Variants in RBCK1 observed in about 807,000 individuals in gnomAD.
RBCK1 encodes RANBP2-type and C3HC4-type zinc finger containing 1, also known as ranBP-type and C3HC4-type zinc finger-containing protein 1.
In RBCK1, 44 loss-of-function variants were observed where a neutral mutation model predicts 71.1. The observed-to-expected ratio is 0.62, with a 90% confidence interval of 0.49 to 0.80. The LOEUF (loss-of-function observed/expected upper bound fraction) is 0.80, where lower values mean the gene tolerates loss of function less well. Among genes scored for constraint, RBCK1 ranks in the 30% least tolerant of loss-of-function variants. The probability of loss-of-function intolerance (pLI) is 0.00; values close to 1 mark genes in which losing one functional copy is unlikely to be tolerated. For missense variants in RBCK1, 569 were observed against 685.0 expected (o/e 0.83, Z 1.89); for synonymous variants, 306 against 279.7 (o/e 1.09, Z -0.94).
rs1383938756 is a variant in RBCK1, at chr20:430,299, G to A, written c.1453-51G>A. 1 of 1,494,522 alleles carries A rather than the reference G, an allele frequency of 6.7e-7. No individual in the cohort carries two copies. The highest frequency in any genetic ancestry group is 9.3e-7 in the Non-Finnish European group (1 of 1,073,620). 92.6% of individuals were successfully genotyped at this position (1,494,522 alleles called of 1,614,324 possible). Reference sequence around the variant, plus strand: ...GGGTGGGAGAGCGCTCGGCTGTGGGGGCAGTCTCTGCACTGCGCTGACATT... The same window carrying A: ...GGGTGGGAGAGCGCTCGGCTGTGGGAGCAGTCTCTGCACTGCGCTGACATT... On this transcript the variant is annotated intron_variant, in intron 11 of 11. Coordinates refer to ENST00000356286, the MANE Select transcript of RBCK1 (RefSeq NM_031229.4). This position sits in a 1 kb window ranked among gnomAD's most constrained non-coding sequence, Gnocchi z 5.6.
chr20:418,230 T>C (rs1231078698), intron 4 of RBCK1, among the ~76,000 whole-genome samples: 2 of 152,268 alleles, frequency 1.3e-5, no homozygotes, highest in Non-Finnish European at 2.9e-5. Context: ...AAATTGGGTA[T>C]GACAGTGATC....
rs557194363 is a variant in RBCK1, at chr20:408,918, C to T, written c.22+139C>T. ...CTCTACCCTCCTCCCCATCAGTTTC[C>T]TCCTTTGGTACCTGCTGGCTTCCAG... On this transcript the variant is annotated intron_variant, in intron 1 of 11. Transcript: ENST00000356286. The T allele has an allele frequency of 6.8e-5, 73 of 1,073,632 alleles. No individual in the cohort carries two copies. In the African/African-American group the frequency reaches 9.5e-4, roughly 14 times the overall value. 66.5% of individuals were successfully genotyped at this position (1,073,632 alleles called of 1,614,324 possible).
At chr20:411,258 C>T (rs2015688872) in intron 2 of RBCK1, among the ~76,000 whole-genome samples, 1 of 152,024 alleles carries the variant, frequency 6.6e-6, no homozygotes, top group South Asian at 2.1e-4. Flanking sequence ...GGTTGAAGTG[C>T]AGTGGTGCCA....
At chr20:426,346 C>T (rs1403241922) in intron 8 of RBCK1, among the ~76,000 whole-genome samples, 3 of 152,200 alleles carry the variant, frequency 2.0e-5, no homozygotes, top group South Asian at 2.1e-4. Flanking sequence ...TCCCCTGCCA[C>T]GCCTCACTAC....
intron 1 of RBCK1, among the ~76,000 whole-genome samples, chr20:409,582 G>A (rs888915063): frequency 4.6e-5 from 7 of 152,118 alleles, no homozygotes; most frequent in Non-Finnish European, 1.0e-4. Context: ...GGGACAGTGG[G>A]TGGCACACAG....
At chr20:425,015 T>A (rs1291354499) in intron 8 of RBCK1, among the ~76,000 whole-genome samples, 1 of 152,158 alleles carries the variant, frequency 6.6e-6, no homozygotes, top group East Asian at 1.9e-4. Flanking sequence ...AAATTTTTTT[T>A]TTTTTTCCTT....
rs1298979370 is a variant in RBCK1, at chr20:428,112, GC to G, written c.1210-378del. 6.6e-6 allele frequency among the ~76,000 whole-genome samples: 1 copy of G among 152,196 alleles called. No individual in the cohort carries two copies. The highest frequency in any genetic ancestry group is 2.4e-5 in the African/African-American group (1 of 41,442). On this transcript the variant is annotated intron_variant, in intron 9 of 11. Coordinates refer to ENST00000356286, the MANE Select transcript of RBCK1 (RefSeq NM_031229.4). This position sits in a 1 kb window ranked among gnomAD's most constrained non-coding sequence, Gnocchi z 5.7. ...CTGGTCTCAGACTCAGCCTGAGCAA[GC>G]TCAGTCTGGGGTCATTGGGCCTGTA... is the stretch of plus-strand genomic sequence containing the variant.
At position 429,572 on chromosome 20, in the gene RBCK1, C is replaced by CTAT. The variant is rs541510223; in HGVS notation, c.1452+480_1452+482dup. ...TGGTTGAAAAAATACCAGAAGATGA[C>CTAT]TATTTTGTGACGTGAAAATTACATG... On this transcript the variant is annotated intron_variant, in intron 11 of 11. Transcript: ENST00000356286. Among the ~76,000 whole-genome samples the CTAT allele has an allele frequency of 2.8e-3, 420 of 152,346 alleles. 2 individuals are homozygous for CTAT. The highest frequency in any genetic ancestry group is 9.3e-3 in the African/African-American group (386 of 41,580).
In RBCK1 at chr20:417,764, G is replaced by T; in HGVS notation, c.294G>T (p.Leu98Phe). 6.2e-7 allele frequency: 1 copy of T among 1,614,000 alleles called. No individual in the cohort carries two copies. Among genetic ancestry groups the T allele is most frequent in the Non-Finnish European group, 8.5e-7 (1 of 1,179,922 alleles). The change falls in exon 4 of 12, where the codon TTG (leucine) becomes TTT (phenylalanine). Residue 98 changes from leucine to phenylalanine, a missense_variant. Around this residue, in one of 2 missense-constraint regions of RBCK1, gnomAD observed 358 missense variants for 375.6 expected, o/e 0.95. Transcript: ENST00000356286. The surrounding 1 kb of genome is among the most constrained non-coding windows in gnomAD (Gnocchi z 4.7). ...VFLDYGFPPVLQQWVIGQRLA... is the reference protein window; with the variant it reads ...VFLDYGFPPVFQQWVIGQRLA... Reference sequence around the variant, plus strand: ...TGGACTATGGCTTCCCACCAGTCTTGCAGCAGTGGGTGATTGGGCAGCGGC... The same window carrying T: ...TGGACTATGGCTTCCCACCAGTCTTTCAGCAGTGGGTGATTGGGCAGCGGC...
intron 6 of RBCK1, 27 bp from the exon 7 acceptor site, chr20:420,844 C>T: frequency 1.3e-6 from 2 of 1,538,916 alleles, no homozygotes; most frequent in Non-Finnish European, 1.7e-6. Context: ...CCCTGACCCG[C>T]CCCGTGGCCC....
chr20:409,712 C>A, intron 1 of RBCK1, 169 bp from the exon 2 acceptor site: 1 of 1,006,970 alleles, frequency 9.9e-7, no homozygotes, highest in South Asian at 1.8e-5. Flanking sequence ...TTAGAGAACC[C>A]CTCCCGGAGA....
Position 419,895 on chromosome 20 carries a change from C to G in RBCK1, c.756+164C>G, listed in dbSNP as rs955919498. On this transcript the variant is annotated intron_variant, in intron 6 of 11. Coordinates refer to ENST00000356286, the MANE Select transcript of RBCK1 (RefSeq NM_031229.4). ...CACCTGGCTGTGACCCTGCACCTGG[C>G]TGTGACCTGCCCTCTCTCAAAGGTC... is the stretch of plus-strand genomic sequence containing the variant. 41 of 1,423,020 alleles carry G rather than the reference C, an allele frequency of 2.9e-5. No individual in the cohort carries two copies. In the African/African-American group the frequency reaches 5.5e-4, roughly 19 times the overall value. 88.1% of individuals were successfully genotyped at this position (1,423,020 alleles called of 1,614,324 possible). A position where few individuals can be genotyped will look rare whatever the true frequency, so the allele number is the denominator to read the frequency against.
At chr20:420,262 C>G in intron 6 of RBCK1, 1 of 985,042 alleles carries the variant, frequency 1.0e-6, no homozygotes, top group Non-Finnish European at 1.2e-6. Context: ...GACCCCCGAC[C>G]CCGGTCCTAC....
chr20:423,071 G>A (rs761352463), intron 8 of RBCK1, among the ~76,000 whole-genome samples: 13 of 152,206 alleles, frequency 8.5e-5, no homozygotes, highest in Admixed American at 3.9e-4. Context: ...AGGCCAAGGC[G>A]GGTGGATCAC....
chr20:426,405 T>C (rs150326754), intron 8 of RBCK1, among the ~76,000 whole-genome samples: 3 of 152,290 alleles, frequency 2.0e-5, no homozygotes, highest in Admixed American at 6.5e-5. Flanking sequence ...CCTCATTAGT[T>C]CAGTTGTTTC....
At position 430,602 on chromosome 20, in the gene RBCK1, G is replaced by A. The variant is rs2016970433; in HGVS notation, c.*172G>A. On this transcript the variant is annotated 3_prime_UTR_variant, in exon 12 of 12. Coordinates refer to ENST00000356286, the MANE Select transcript of RBCK1 (RefSeq NM_031229.4). The surrounding 1 kb of genome is among the most constrained non-coding windows in gnomAD (Gnocchi z 5.6). ...CCAGTGCCTTTGTCCTTCCCTTGGG[G>A]CTTGCCGGCCAGACTTCTCTCCCCT... 3.0e-6 allele frequency: 2 copies of A among 663,454 alleles called. No individual in the cohort carries two copies. The highest frequency in any genetic ancestry group is 3.6e-5 in the African/African-American group (2 of 55,602). The allele number at this position is 663,454 out of a possible 1,614,324, so 41.1% of individuals were successfully genotyped here.
Position 428,776 on chromosome 20 carries a change from G to A in RBCK1, c.1309-175G>A, listed in dbSNP as rs940441593. On this transcript the variant is annotated intron_variant, in intron 10 of 11. Transcript: ENST00000356286. The surrounding 1 kb of genome is among the most constrained non-coding windows in gnomAD (Gnocchi z 5.7). Reference sequence around the variant, plus strand: ...ATGTCAGGAAGAGCGTCTGGGTGGAGGGTGGAGACCACAGGAATGAAGAGG... The same window carrying A: ...ATGTCAGGAAGAGCGTCTGGGTGGAAGGTGGAGACCACAGGAATGAAGAGG... 2.8e-6 allele frequency: 4 copies of A among 1,422,692 alleles called. No individual in the cohort carries two copies. The highest frequency in any genetic ancestry group is 9.2e-7 in the Non-Finnish European group (1 of 1,084,580). 88.1% of individuals were successfully genotyped at this position (1,422,692 alleles called of 1,614,324 possible).
At chr20:419,092 C>T (rs2016200718) in intron 4 of RBCK1, among the ~76,000 whole-genome samples, 1 of 152,186 alleles carries the variant, frequency 6.6e-6, no homozygotes, top group South Asian at 2.1e-4. Context: ...GTGCATCCTT[C>T]AGGAGGCACG....
intron 7 of RBCK1, 57 bp downstream of exon 7, chr20:421,088 C>A: frequency 6.8e-7 from 1 of 1,475,982 alleles, no homozygotes; most frequent in East Asian, 2.6e-5. Flanking sequence ...GCCAATTACG[C>A]AGGGCTGGAC....
Sources: allele counts gnomAD v4.1 joint callset (sites outside exome capture counted in the v4.1 genomes callset), GRCh38; gene constraint gnomAD v4.1.1; regional missense constraint gnomAD v4.1.1; non-coding constraint Gnocchi (gnomAD v3.1); transcripts MANE v1.5; gene names NCBI Gene and HGNC (gene_info 2026-07-23, HGNC 2026-07-21).